GRID2: variants seen among roughly 807,000 people sequenced by gnomAD.
GRID2 encodes the protein glutamate ionotropic receptor delta type subunit 2, also known as glutamate receptor ionotropic, delta-2.
Under a neutral mutation model 114.8 loss-of-function variants are expected in GRID2, and 33 were observed. The ratio of observed to expected loss-of-function variants is 0.29; its 90% CI spans 0.22 to 0.38. The LOEUF (loss-of-function observed/expected upper bound fraction) is 0.38. GRID2 is among the 10% of genes least tolerant of loss of function. The probability of loss-of-function intolerance (pLI) is 1.00; values close to 1 mark genes in which losing one functional copy is unlikely to be tolerated. For missense variants in GRID2, 1,184 were observed against 1,257.7 expected (o/e 0.94, Z 0.89); for synonymous variants, 505 against 449.9 (o/e 1.12, Z -1.55).
At chr4:92,592,384 C>T (rs541705267) in intron 2 of GRID2, among the ~76,000 whole-genome samples, 85 of 151,818 alleles carry the variant, frequency 5.6e-4, no homozygotes, top group African/African-American at 1.9e-3. Context: ...GGTGAGAAAC[C>T]GGAATTATAA....
intron 1 of GRID2, among the ~76,000 whole-genome samples, chr4:92,477,705 T>C (rs1462682003): frequency 6.7e-6 from 1 of 149,506 alleles, no homozygotes; most frequent in Non-Finnish European, 1.5e-5. Context: ...AAGGAAACAT[T>C]ATTTTGACAA....
intron 2 of GRID2, among the ~76,000 whole-genome samples, chr4:93,042,609 TTCTC>T (rs35806940): frequency 4.1e-5 from 5 of 122,882 alleles, no homozygotes; most frequent in Middle Eastern, 4.6e-3. Flanking sequence ...GATGAATCTT[TTCTC>T]TCTCTCTCTC....
At chr4:92,902,509 T>A (rs565036471) in intron 2 of GRID2, among the ~76,000 whole-genome samples, 1 of 152,260 alleles carries the variant, frequency 6.6e-6, no homozygotes, top group African/African-American at 2.4e-5. Context: ...AAGTTCCATT[T>A]GTCTTGTTTT....
intron 1 of GRID2, among the ~76,000 whole-genome samples, chr4:92,560,745 C>T (rs186115763): frequency 2.2e-4 from 34 of 152,126 alleles, no homozygotes; most frequent in South Asian, 4.2e-4. Flanking sequence ...CCACTCTTGA[C>T]GCCCAGACTG....
At chr4:93,242,964 C>A (rs1747717868) in intron 8 of GRID2, among the ~76,000 whole-genome samples, 1 of 151,966 alleles carries the variant, frequency 6.6e-6, no homozygotes, top group Non-Finnish European at 1.5e-5. Flanking sequence ...GTAATAACTC[C>A]TGTAATTATT....
intron 8 of GRID2, among the ~76,000 whole-genome samples, chr4:93,297,579 G>T (rs1754448419): frequency 6.6e-6 from 1 of 152,088 alleles, no homozygotes; most frequent in Non-Finnish European, 1.5e-5. Context: ...GGCTTTTTTA[G>T]ATTTATAATC....
chr4:93,366,711 G>A (rs947581394), intron 8 of GRID2, among the ~76,000 whole-genome samples: 5 of 151,882 alleles, frequency 3.3e-5, no homozygotes, highest in East Asian at 1.9e-4. Flanking sequence ...AGAACCTACC[G>A]ACATGTGATG....
chr4:93,781,590 G>T (rs749292279), intron 1 of GRID2, among the ~76,000 whole-genome samples: 1 of 152,150 alleles, frequency 6.6e-6, no homozygotes, highest in Admixed American at 6.5e-5. Flanking sequence ...AGAATCCAAG[G>T]ATGCCCAGAC....
At chr4:92,605,861 C>T (rs1037687106) in intron 2 of GRID2, among the ~76,000 whole-genome samples, 1 of 152,072 alleles carries the variant, frequency 6.6e-6, no homozygotes, top group African/African-American at 2.4e-5. Flanking sequence ...TCCCCTTGGA[C>T]ATGGTGTGTA....
chr4:92,995,700 T>C (rs1230971698), intron 2 of GRID2, among the ~76,000 whole-genome samples: 4 of 152,178 alleles, frequency 2.6e-5, no homozygotes, highest in Non-Finnish European at 5.9e-5. Flanking sequence ...TTGATATCAT[T>C]TCATGTCATC....
intron 13 of GRID2, among the ~76,000 whole-genome samples, chr4:93,517,117 G>A (rs977489359): frequency 1.3e-5 from 2 of 151,940 alleles, no homozygotes; most frequent in African/African-American, 4.8e-5. Context: ...ACCTCACACA[G>A]TTTTTGTCAA....
At chr4:92,787,955 A>T (rs1293317287) in intron 2 of GRID2, among the ~76,000 whole-genome samples, 1 of 151,792 alleles carries the variant, frequency 6.6e-6, no homozygotes, top group Non-Finnish European at 1.5e-5. Flanking sequence ...TTTAGGCTGT[A>T]TAAATGGAAC....
Position 93,621,220 on chromosome 4 carries a change from C to T in GRID2, c.2194-5049C>T, listed in dbSNP as rs61241593. 6.3e-3 allele frequency among the ~76,000 whole-genome samples: 955 copies of T among 152,188 alleles called. 14 individuals carry two copies. The highest frequency in any genetic ancestry group is 0.021 in the African/African-American group (882 of 41,518). On this transcript the variant is annotated intron_variant, in intron 13 of 15. Coordinates refer to ENST00000282020, the MANE Select transcript of GRID2 (RefSeq NM_001510.4). ...TATCTGGGAAGTGAGAAATTTATCA[C>T]GGGGAGTCTATTGATATCTCAGGCA...
chr4:92,628,363 G>GTTTTGTTTTGTTTTGTT (rs1560498120), intron 2 of GRID2, among the ~76,000 whole-genome samples: 13 of 151,932 alleles, frequency 8.6e-5, no homozygotes, highest in African/African-American at 3.1e-4. Flanking sequence ...TTTGTTTTGT[G>GTTTTGTTTTGTTTTGTT]TTGTTTTGTT....
intron 4 of GRID2, among the ~76,000 whole-genome samples, chr4:93,122,682 C>T (rs1733888202): frequency 6.6e-6 from 1 of 151,548 alleles, no homozygotes; most frequent in Non-Finnish European, 1.5e-5. Context: ...ATAGTTTTTA[C>T]AATTGCATGG....
chr4:93,124,957 T>C (rs1734136621), intron 4 of GRID2, among the ~76,000 whole-genome samples: 1 of 152,166 alleles, frequency 6.6e-6, no homozygotes, highest in African/African-American at 2.4e-5. Context: ...AATTAAATTT[T>C]TAGTGCCTTG....
intron 13 of GRID2, among the ~76,000 whole-genome samples, chr4:93,604,465 G>A (rs192701926): frequency 1.3e-5 from 2 of 152,138 alleles, no homozygotes; most frequent in African/African-American, 2.4e-5. Flanking sequence ...TCTACTCTTG[G>A]TGAAGATGTT....
At chr4:92,532,488 T>G (rs1024590190) in intron 1 of GRID2, among the ~76,000 whole-genome samples, 4 of 152,188 alleles carry the variant, frequency 2.6e-5, no homozygotes, top group Non-Finnish European at 4.4e-5. Context: ...TGTTCCCCTT[T>G]TTTGATGATA....
intron 9 of GRID2, among the ~76,000 whole-genome samples, chr4:93,396,927 T>C (rs2149331937): frequency 6.6e-6 from 1 of 152,082 alleles, no homozygotes; most frequent in South Asian, 2.1e-4. Context: ...CCATAGTTAG[T>C]ACTTTATTTT....
Sources: allele counts gnomAD v4.1 joint callset (sites outside exome capture counted in the v4.1 genomes callset), GRCh38; gene constraint gnomAD v4.1.1; transcripts MANE v1.5; gene names NCBI Gene and HGNC (gene_info 2026-07-23, HGNC 2026-07-21).